Variants in SCIN observed in about 807,000 individuals in gnomAD.
SCIN encodes the protein scinderin, also known as adseverin.
Under a neutral mutation model 91.8 loss-of-function variants are expected in SCIN, and 91 were observed. The ratio of observed to expected loss-of-function variants is 0.99; its 90% CI spans 0.84 to 1.18. The LOEUF (loss-of-function observed/expected upper bound fraction) is 1.18. Among genes scored for constraint, SCIN ranks in the 50% most tolerant of loss-of-function variants. The pLI is 0.00. For synonymous variants in SCIN, 367 were observed against 312.6 expected, an observed-to-expected ratio of 1.17 and a Z score of -1.84; for missense variants, 1,087 against 863.9, an observed-to-expected ratio of 1.26 and a Z score of -3.24.
chr7:12,652,841 C>T lies in SCIN; in HGVS notation c.*126C>T. On this transcript the variant is annotated 3_prime_UTR_variant, in exon 16 of 16. Transcript: ENST00000297029. Reference sequence around the variant, plus strand: ...AATTAAGGCTGGGCGCGGTGGCTCACACCTGTAATCCCAGCACTTTGAGAG... The same window carrying T: ...AATTAAGGCTGGGCGCGGTGGCTCATACCTGTAATCCCAGCACTTTGAGAG... 5.3e-6 allele frequency: 6 copies of T among 1,136,064 alleles called. No homozygotes were observed. The highest frequency in any genetic ancestry group is 7.4e-6 in the Non-Finnish European group (6 of 806,804). 70.4% of individuals were successfully genotyped at this position (1,136,064 alleles called of 1,614,324 possible).
At chr7:12,579,012 G>A (rs1261702771) in intron 2 of SCIN, among the ~76,000 whole-genome samples, 1 of 147,104 alleles carries the variant, frequency 6.8e-6, no homozygotes, top group Non-Finnish European at 1.5e-5. Context: ...TAAAGTGTGA[G>A]GAATACCCTC....
At chr7:12,629,716 A>G (rs1010612447) in intron 9 of SCIN, among the ~76,000 whole-genome samples, 1 of 152,216 alleles carries the variant, frequency 6.6e-6, no homozygotes, top group African/African-American at 2.4e-5. Context: ...TGGAAAAAAT[A>G]TGCAACTGTG....
In SCIN at chr7:12,618,496, A is replaced by G. The variant is rs925751706; in HGVS notation, c.667-4305A>G. Among the ~76,000 whole-genome samples, 7 of 152,166 alleles carry G rather than the reference A, an allele frequency of 4.6e-5. No homozygotes were observed. In the East Asian group the frequency reaches 1.3e-3, roughly 29 times the overall value. ...CACCCTCTATTTTACTTATGAATAA[A>G]GGAATAAAGGTATTTTTGAGGCCAT... is the stretch of plus-strand genomic sequence containing the variant. On this transcript the variant is annotated intron_variant, in intron 4 of 15. Transcript: ENST00000297029.
chr7:12,608,321 GCACA>G (rs35120183), intron 4 of SCIN, among the ~76,000 whole-genome samples: 112 of 148,540 alleles, frequency 7.5e-4, no homozygotes, highest in East Asian at 1.2e-3. Flanking sequence ...ATGCACACAT[GCACA>G]CACACACACA....
At chr7:12,644,525 A>G in intron 12 of SCIN, 59 bp from the exon 13 acceptor site, 1 of 1,588,088 alleles carries the variant, frequency 6.3e-7, no homozygotes, top group Non-Finnish European at 8.6e-7. Context: ...GTTCATATAA[A>G]GCGACAGCAA....
intron 4 of SCIN, among the ~76,000 whole-genome samples, chr7:12,609,585 C>A (rs1019530004): frequency 6.6e-6 from 1 of 151,748 alleles, no homozygotes; most frequent in Non-Finnish European, 1.5e-5. Flanking sequence ...AAGAAAAAAA[C>A]CCAGCATCTG....
chr7:12,620,984 A>G (rs1024581), intron 4 of SCIN, among the ~76,000 whole-genome samples: 1,557 of 152,270 alleles, frequency 0.01, 29 homozygotes, highest in African/African-American at 0.036. Context: ...TATTTCACAT[A>G]CAAAGGATTA....
intron 3 of SCIN, among the ~76,000 whole-genome samples, chr7:12,587,477 C>A (rs3735221): frequency 0.54 from 82,166 of 152,108 alleles, 22,674 homozygotes; most frequent in African/African-American, 0.65. Flanking sequence ...CTCTGTTCCC[C>A]AGACATTTGC....
chr7:12,621,693 C>CTTTTTAG (rs1562620101), intron 4 of SCIN, among the ~76,000 whole-genome samples: 1 of 133,692 alleles, frequency 7.5e-6, no homozygotes, highest in East Asian at 2.2e-4. Context: ...AGAAAAACTG[C>CTTTTTAG]ATTACAATCA....
intron 9 of SCIN, among the ~76,000 whole-genome samples, chr7:12,635,506 G>A (rs976580089): frequency 6.7e-6 from 1 of 149,882 alleles, no homozygotes; most frequent in African/African-American, 2.5e-5. Flanking sequence ...CAGGTACTTG[G>A]GAGGCTGAGG....
chr7:12,628,508 T>C (rs1186727756), intron 8 of SCIN, among the ~76,000 whole-genome samples: 1 of 152,110 alleles, frequency 6.6e-6, no homozygotes, highest in African/African-American at 2.4e-5. Context: ...AGGGCACTAA[T>C]TTCACTCATG....
At chr7:12,572,867 G>A (rs2115197032) in intron 1 of SCIN, among the ~76,000 whole-genome samples, 1 of 152,280 alleles carries the variant, frequency 6.6e-6, no homozygotes, top group Middle Eastern at 3.4e-3. Flanking sequence ...TTGTGGATAT[G>A]AATAATTAAT....
chr7:12,574,830 C>A (rs549360353), intron 1 of SCIN, among the ~76,000 whole-genome samples: 2 of 152,202 alleles, frequency 1.3e-5, no homozygotes, highest in African/African-American at 4.8e-5. Context: ...AGGGCCTGCG[C>A]CTCACTATAT....
rs1429654922 is a variant in SCIN, at chr7:12,654,488, A to G, written c.*1773A>G. 2.0e-5 allele frequency: 3 copies of G among 152,190 alleles called. No homozygotes were observed. The highest frequency in any genetic ancestry group is 2.9e-5 in the Non-Finnish European group (2 of 68,020). 9.4% of individuals were successfully genotyped at this position (152,190 alleles called of 1,614,324 possible). ...GTCCTGCATGCAACAAAAATGATGT[A>G]AGTAGACATTTAACATTTCTAGGAA... On this transcript the variant is annotated 3_prime_UTR_variant, in exon 16 of 16. Transcript: ENST00000297029.
At chr7:12,646,400 G>T (rs551496959) in intron 13 of SCIN, among the ~76,000 whole-genome samples, 1 of 151,990 alleles carries the variant, frequency 6.6e-6, no homozygotes, top group East Asian at 1.9e-4. Context: ...TCCTTATAAA[G>T]ACAGACACTA....
intron 10 of SCIN, among the ~76,000 whole-genome samples, chr7:12,638,477 C>T (rs1783796682): frequency 6.6e-6 from 1 of 152,200 alleles, no homozygotes; most frequent in Non-Finnish European, 1.5e-5. Context: ...TCTGATACAG[C>T]AGCATTAAAC....
At chr7:12,641,987 T>G (rs1427678716) in intron 11 of SCIN, among the ~76,000 whole-genome samples, 2 of 151,922 alleles carry the variant, frequency 1.3e-5, no homozygotes, top group Non-Finnish European at 2.9e-5. Flanking sequence ...AATATCAAAT[T>G]TTTATTTATT....
intron 3 of SCIN, among the ~76,000 whole-genome samples, chr7:12,600,615 A>T (rs563765776): frequency 6.6e-6 from 1 of 152,382 alleles, no homozygotes; most frequent in South Asian, 2.1e-4. Context: ...AAACAAAAAC[A>T]TTAGTTTGGG....
chr7:12,658,369 G>A lies in SCIN; in HGVS notation c.*5654G>A, dbSNP rs1784207142. The A allele has an allele frequency of 6.6e-6, 1 of 152,192 alleles. No individual in the cohort carries two copies. Among genetic ancestry groups the A allele is most frequent in the African/African-American group, 2.4e-5 (1 of 41,444 alleles). The allele number at this position is 152,192 out of a possible 1,614,324, so 9.4% of individuals were successfully genotyped here. ...CTCCTTAGAAAGGTCAAAGGAAGAG[G>A]TGAATGTGGGCAGGGTTTCACTGGA... On this transcript the variant is annotated 3_prime_UTR_variant, in exon 16 of 16. Transcript: ENST00000297029.
Sources: gnomAD v4.1 joint callset for allele counts (sites outside exome capture counted in the v4.1 genomes callset) on GRCh38, gnomAD v4.1.1 for gene constraint, MANE v1.5 for transcripts, NCBI Gene and HGNC (gene_info 2026-07-23, HGNC 2026-07-21) for gene names.